The following MTSS1 variants were observed in gnomAD, a reference collection of about 807,000 sequenced individuals.
MTSS1 encodes MTSS I-BAR domain containing 1, also known as protein MTSS 1.
Under a neutral mutation model 79.0 loss-of-function variants are expected in MTSS1, and 18 were observed. The observed-to-expected ratio is 0.23, with a 90% confidence interval of 0.16 to 0.34. The LOEUF (loss-of-function observed/expected upper bound fraction) is 0.34, where lower values mean the gene tolerates loss of function less well. MTSS1 is among the 10% of genes least tolerant of loss of function. MTSS1 has a pLI of 1.00. For missense variants in MTSS1, 815 were observed against 986.2 expected, an observed-to-expected ratio of 0.83 and a Z score of 2.33; for synonymous variants, 341 against 368.6, an observed-to-expected ratio of 0.93 and a Z score of 0.86.
At chr8:124,644,218 A>G (rs1818601577) in intron 3 of MTSS1, among the ~76,000 whole-genome samples, 1 of 152,234 alleles carries the variant, frequency 6.6e-6, no homozygotes, top group African/African-American at 2.4e-5. Context: ...AACCACATTG[A>G]AATGCATGAG....
In MTSS1 at chr8:124,557,680, C is replaced by T. The variant is rs1421740958; in HGVS notation, c.1230+1G>A. 6.4e-7 allele frequency: 1 copy of T among 1,570,988 alleles called. No homozygotes were observed. Among genetic ancestry groups the T allele is most frequent in the Non-Finnish European group, 8.6e-7 (1 of 1,158,098 alleles). ...AGAGGAGGAGGGGGAGAGACACAAA[C>T]CTTCCAGCTAGGGATCTGAGATGAC... On this transcript the variant is annotated splice_donor_variant, in intron 11 of 13. Coordinates refer to ENST00000518547, the MANE Select transcript of MTSS1 (RefSeq NM_014751.6). LOFTEE classifies it high-confidence loss of function.
intron 1 of MTSS1, among the ~76,000 whole-genome samples, chr8:124,708,592 A>G (rs1383492618): frequency 6.6e-6 from 1 of 152,176 alleles, no homozygotes; most frequent in African/African-American, 2.4e-5. Flanking sequence ...GGAGTACTCA[A>G]CCCTGAGATG....
chr8:124,631,580 A>G (rs974851007), intron 3 of MTSS1, among the ~76,000 whole-genome samples: 18 of 151,886 alleles, frequency 1.2e-4, no homozygotes, highest in African/African-American at 3.6e-4. Flanking sequence ...CCCTCATCTC[A>G]TCCTGAGTCT....
rs772989544 is a variant in MTSS1, at chr8:124,557,650, C to T, written c.1230+31G>A. 3.7e-5 allele frequency: 56 copies of T among 1,530,282 alleles called. 1 individual carries two copies. The highest frequency in any genetic ancestry group is 1.4e-4 in the Admixed American group (7 of 51,276). 94.8% of individuals were successfully genotyped at this position (1,530,282 alleles called of 1,614,324 possible). On this transcript the variant is annotated intron_variant, in intron 11 of 13. Coordinates refer to ENST00000518547, the MANE Select transcript of MTSS1 (RefSeq NM_014751.6). Reference sequence around the variant, plus strand: ...AGAGGGGTGAGCACAGAGGCAATGACGGGGAGAGGAGGAGGGGGAGAGACA... The same window carrying T: ...AGAGGGGTGAGCACAGAGGCAATGATGGGGAGAGGAGGAGGGGGAGAGACA...
chr8:124,678,363 T>G (rs1280433365), intron 3 of MTSS1, among the ~76,000 whole-genome samples: 4 of 152,114 alleles, frequency 2.6e-5, no homozygotes, highest in Admixed American at 2.6e-4. Flanking sequence ...ACCACTTGAG[T>G]GCAGGGTCTG....
At chr8:124,702,128 G>C (rs1163091387) in intron 2 of MTSS1, among the ~76,000 whole-genome samples, 1 of 152,160 alleles carries the variant, frequency 6.6e-6, no homozygotes, top group African/African-American at 2.4e-5. Context: ...ACTGATAAAA[G>C]GGGAAGATAA....
Position 124,582,954 on chromosome 8 carries a change from C to G in MTSS1, c.460+2133G>C, listed in dbSNP as rs900347818. ...GTACCTTTCAGAAGGCTGCTTTCAT[C>G]CCAGAAATATACAAATAGAACACCT... On this transcript the variant is annotated intron_variant, in intron 6 of 13. Transcript: ENST00000518547. The surrounding 1 kb of genome is among the most constrained non-coding windows in gnomAD (Gnocchi z 4.8). Among the ~76,000 whole-genome samples the G allele has an allele frequency of 6.6e-6, 1 of 152,174 alleles. No homozygotes were observed. The highest frequency in any genetic ancestry group is 2.4e-5 in the African/African-American group (1 of 41,432).
intron 10 of MTSS1, among the ~76,000 whole-genome samples, chr8:124,562,342 C>G (rs1322278035): frequency 6.6e-6 from 1 of 152,214 alleles, no homozygotes; most frequent in Non-Finnish European, 1.5e-5. Flanking sequence ...TAAAAGGAAC[C>G]TGAGAGCGCC....
intron 3 of MTSS1, among the ~76,000 whole-genome samples, chr8:124,653,495 G>T (rs544607921): frequency 6.6e-6 from 1 of 152,122 alleles, no homozygotes; most frequent in South Asian, 2.1e-4. Context: ...AGGCCAAGGC[G>T]GGTGGATCAC....
chr8:124,667,270 G>A (rs1240103432), intron 3 of MTSS1, among the ~76,000 whole-genome samples: 1 of 152,166 alleles, frequency 6.6e-6, no homozygotes, highest in African/African-American at 2.4e-5. Context: ...CTGTGAAAGC[G>A]CGACATGTTT....
At chr8:124,693,371 G>A (rs961912689) in intron 3 of MTSS1, among the ~76,000 whole-genome samples, 2 of 152,172 alleles carry the variant, frequency 1.3e-5, no homozygotes, top group African/African-American at 4.8e-5. Context: ...GGAGATTCCT[G>A]GGTCTCACCC....
chr8:124,683,551 G>A lies in MTSS1; in HGVS notation c.208+15975C>T, dbSNP rs977728776. ...TCCAGACTAGAAAACCTCAACTGGA[G>A]GCCAGAGGTGGGACACGCCCTAGGA... On this transcript the variant is annotated intron_variant, in intron 3 of 13. Transcript: ENST00000518547. The surrounding 1 kb of genome is among the most constrained non-coding windows in gnomAD (Gnocchi z 4.5). Among the ~76,000 whole-genome samples, 1 of 152,198 alleles carries A rather than the reference G, an allele frequency of 6.6e-6. No individual in the cohort carries two copies. Among genetic ancestry groups the A allele is most frequent in the Non-Finnish European group, 1.5e-5 (1 of 68,046 alleles).
intron 3 of MTSS1, among the ~76,000 whole-genome samples, chr8:124,616,002 A>G (rs1457522133): frequency 6.6e-6 from 1 of 152,214 alleles, no homozygotes; most frequent in Admixed American, 6.5e-5. Context: ...CCTCCTCAGC[A>G]TCACTCTTCC....
intron 8 of MTSS1, 102 bp from the exon 9 acceptor site, chr8:124,565,861 G>A: frequency 1.0e-6 from 1 of 959,320 alleles, no homozygotes; most frequent in Non-Finnish European, 1.5e-6. Flanking sequence ...GCCATCGTGG[G>A]GGTGGGAATG....
chr8:124,698,668 C>G (rs746579850), intron 3 of MTSS1, among the ~76,000 whole-genome samples: 1 of 152,026 alleles, frequency 6.6e-6, no homozygotes, highest in Non-Finnish European at 1.5e-5. Flanking sequence ...CGTGCCACCA[C>G]GCCTGGCTAA....
rs149780096 is a variant in MTSS1 at position 124,556,253 on chromosome 8, C to T, written c.1383G>A (p.Met461Ile). 6 of 1,614,106 alleles carry T rather than the reference C, an allele frequency of 3.7e-6. No homozygotes were observed. In the African/African-American group the frequency reaches 8.0e-5, roughly 22 times the overall value. ...TCACCCTGGTGGCAGCCGATACAGT[C>T]ATGCTCCGTGGTCTCTGAGCCTCCT... ...AAEEAQRPRS[M>I]TVSAATRPGE... is the part of the protein sequence containing the mutation. The change falls in exon 12 of 14, where the codon ATG (methionine) becomes ATA (isoleucine). Residue 461 changes from methionine to isoleucine, a missense_variant. This residue lies in a region of MTSS1 where 590 missense variants were observed against 620.8 expected (regional missense o/e 0.95). Coordinates refer to ENST00000518547, the MANE Select transcript of MTSS1 (RefSeq NM_014751.6).
chr8:124,571,837 G>A lies in MTSS1; in HGVS notation c.461-3301C>T, dbSNP rs562131598. ...AAATTAGCTGGGTGTGGTGGCACACGCCTGTAGTCCCAGCCACTGGGGAGG... is the reference window on the plus strand; with the variant it reads ...AAATTAGCTGGGTGTGGTGGCACACACCTGTAGTCCCAGCCACTGGGGAGG... On this transcript the variant is annotated intron_variant, in intron 6 of 13. Coordinates refer to ENST00000518547, the MANE Select transcript of MTSS1 (RefSeq NM_014751.6). Among the ~76,000 whole-genome samples the A allele has an allele frequency of 9.9e-5, 15 of 152,280 alleles. No individual in the cohort carries two copies. In the South Asian group the frequency reaches 2.7e-3, roughly 27 times the overall value.
chr8:124,690,053 A>G (rs1228605454), intron 3 of MTSS1, among the ~76,000 whole-genome samples: 1 of 152,128 alleles, frequency 6.6e-6, no homozygotes, highest in Non-Finnish European at 1.5e-5. Flanking sequence ...TTTATTATGT[A>G]AACTGCCTAA....
At chr8:124,709,473 A>G (rs1026573245) in intron 1 of MTSS1, among the ~76,000 whole-genome samples, 5 of 151,746 alleles carry the variant, frequency 3.3e-5, no homozygotes, top group African/African-American at 4.8e-5. Context: ...AGAAAACAAA[A>G]CTCCCGCCAC....
Sources: gnomAD v4.1 joint callset for allele counts (sites outside exome capture counted in the v4.1 genomes callset) on GRCh38, gnomAD v4.1.1 for gene constraint, gnomAD v4.1.1 regional missense constraint, Gnocchi (gnomAD v3.1) non-coding constraint, MANE v1.5 for transcripts, NCBI Gene and HGNC (gene_info 2026-07-23, HGNC 2026-07-21) for gene names.